APOL3: variants seen among roughly 807,000 people sequenced by gnomAD.
APOL3 encodes the protein apolipoprotein L3, also known as TNF-inducible protein CG12-1.
In APOL3, 14 loss-of-function variants were observed where a neutral mutation model predicts 11.6. The ratio of observed to expected loss-of-function variants is 1.21; its 90% CI spans 0.80 to 1.89. The LOEUF (loss-of-function observed/expected upper bound fraction) is 1.89. APOL3 is among the 40% of genes most tolerant of loss of function. The pLI is 0.00. For missense variants in APOL3, 483 were observed against 492.1 expected (o/e 0.98, Z 0.17); for synonymous variants, 192 against 190.6 (o/e 1.01, Z -0.06).
intron 1 of APOL3, chr22:36,156,699 C>T: frequency 3.5e-6 from 1 of 283,776 alleles, no homozygotes; most frequent in South Asian, 3.3e-5. Context: ...CAGCGTCCCC[C>T]AGCCCTCCCC....
In APOL3 at chr22:36,149,462, G is replaced by A. The variant is rs1299674298; in HGVS notation, c.224-3863C>T. The A allele has an allele frequency of 9.5e-6, 11 of 1,157,698 alleles. No homozygotes were observed. In the African/African-American group the frequency reaches 1.6e-4, roughly 17 times the overall value. 71.7% of individuals were successfully genotyped at this position (1,157,698 alleles called of 1,614,324 possible). On this transcript the variant is annotated intron_variant, in intron 1 of 2. Coordinates refer to ENST00000349314, the Ensembl canonical transcript of APOL3. ...AGAGTCTATACACCGAAATAGAGAT[G>A]GGAAGGAACGTTCTGACAATGACCT...
exon 3 of APOL3, chr22:36,141,581 G>A: frequency 6.2e-7 from 1 of 1,614,246 alleles, no homozygotes; most frequent in Non-Finnish European, 8.5e-7. Flanking sequence ...GGGAAAGTAA[G>A]TTGGGTGTGA....
At chr22:36,152,514 T>G (rs2011924725) in intron 1 of APOL3, among the ~76,000 whole-genome samples, 1 of 152,148 alleles carries the variant, frequency 6.6e-6, no homozygotes, top group African/African-American at 2.4e-5. Context: ...GGGGGAGGAT[T>G]AATATGGCCA....
intron 2 of APOL3, among the ~76,000 whole-genome samples, chr22:36,143,584 T>A (rs1603474532): frequency 6.6e-6 from 1 of 152,330 alleles, no homozygotes; most frequent in East Asian, 1.9e-4. Context: ...TCTCTTCCAA[T>A]GCCACATGCC....
At chr22:36,147,561 C>T (rs1006903842) in intron 1 of APOL3, among the ~76,000 whole-genome samples, 6 of 152,176 alleles carry the variant, frequency 3.9e-5, no homozygotes, top group Admixed American at 3.9e-4. Context: ...TCAGCAGAGC[C>T]CAGTTTGCTG....
chr22:36,160,896 G>C, exon 1 of APOL3: 2 of 1,612,546 alleles, frequency 1.2e-6, no homozygotes, highest in Non-Finnish European at 1.7e-6. Context: ...TCCCATCCTT[G>C]GTCCAGCAGC....
intron 1 of APOL3, among the ~76,000 whole-genome samples, chr22:36,158,352 G>C (rs1232772133): frequency 2.6e-5 from 4 of 152,160 alleles, no homozygotes; most frequent in Admixed American, 2.6e-4. Context: ...GTGCCCCCAC[G>C]TCATGGCACA....
chr22:36,141,368 G>A, exon 3 of APOL3: 1 of 1,614,212 alleles, frequency 6.2e-7, no homozygotes, highest in Non-Finnish European at 8.5e-7. Context: ...GTGCAAGGAA[G>A]ATGCCTGAAG....
At chr22:36,149,189 T>C (rs1159031215) in intron 1 of APOL3, 47 bp from the exon 2 acceptor site, 1 of 1,333,006 alleles carries the variant, frequency 7.5e-7, no homozygotes, top group African/African-American at 1.5e-5. Context: ...GAGCCACCTG[T>C]GGACAGAGGG....
chr22:36,146,784 C>T (rs1473989719), intron 1 of APOL3, among the ~76,000 whole-genome samples: 2 of 152,032 alleles, frequency 1.3e-5, no homozygotes, highest in Non-Finnish European at 1.5e-5. Flanking sequence ...AAATGGGATA[C>T]ATAATATTAT....
intron 1 of APOL3, among the ~76,000 whole-genome samples, chr22:36,147,605 T>A (rs1011690202): frequency 4.6e-5 from 7 of 152,196 alleles, no homozygotes; most frequent in Non-Finnish European, 1.0e-4. Flanking sequence ...GTGACTTGGT[T>A]GCCAAGGCAA....
rs1173792838 is a variant in APOL3, at chr22:36,148,286, G to A, written c.224-2687C>T. On this transcript the variant is annotated intron_variant, in intron 1 of 2. Transcript: ENST00000349314. ...GGTAAGCAGGTGCTTGTGATGGGCC[G>A]TGCAGGGCAGGCGCCCTGGGGGACA... Among the ~76,000 whole-genome samples, 8 of 152,376 alleles carry A rather than the reference G, an allele frequency of 5.3e-5. No homozygotes were observed. In the East Asian group the frequency reaches 9.6e-4, roughly 18 times the overall value.
At chr22:36,164,185 G>T (rs942425886), upstream of APOL3, among the ~76,000 whole-genome samples, 3 of 152,018 alleles carry the variant, frequency 2.0e-5, no homozygotes, top group African/African-American at 7.3e-5. Context: ...AACATCAACG[G>T]ACTGCACAAC....
At chr22:36,156,934 A>T in intron 1 of APOL3, 4 of 456,250 alleles carry the variant, frequency 8.8e-6, no homozygotes, top group South Asian at 6.2e-5. Context: ...GCCTCTGGAC[A>T]ACATGGCCCA....
chr22:36,152,378 C>A (rs867739175), intron 1 of APOL3, among the ~76,000 whole-genome samples: 37 of 152,270 alleles, frequency 2.4e-4, no homozygotes, highest in African/African-American at 8.7e-4. Flanking sequence ...AATGTAAACA[C>A]TTGGTTAACT....
At chr22:36,160,102 C>T (rs1344640660) in intron 1 of APOL3, among the ~76,000 whole-genome samples, 1 of 152,064 alleles carries the variant, frequency 6.6e-6, no homozygotes, top group Non-Finnish European at 1.5e-5. Flanking sequence ...AGGCAGGTCT[C>T]GAACTCCTAA....
At chr22:36,141,624 C>T (rs778515104) in exon 3 of APOL3, 7 of 1,614,164 alleles carry the variant, frequency 4.3e-6, no homozygotes, top group South Asian at 2.2e-5. Flanking sequence ...TACCTTCAAT[C>T]GGTCAATGCT....
rs1235003772 is a variant in APOL3, at chr22:36,151,174, C to T, written c.224-5575G>A. 2.6e-5 allele frequency among the ~76,000 whole-genome samples: 4 copies of T among 152,314 alleles called. No individual in the cohort carries two copies. In the East Asian group the frequency reaches 5.8e-4, roughly 22 times the overall value. ...ACTTCATAACTGCATCTAAAGGCCCCAGAAATAATATCTTTGTATCCTGAT... is the reference window on the plus strand; with the variant it reads ...ACTTCATAACTGCATCTAAAGGCCCTAGAAATAATATCTTTGTATCCTGAT... On this transcript the variant is annotated intron_variant, in intron 1 of 2. Coordinates refer to ENST00000349314, the Ensembl canonical transcript of APOL3.
At chr22:36,159,710 C>G (rs920325751) in intron 1 of APOL3, 3 of 152,214 alleles carry the variant, frequency 2.0e-5, no homozygotes, top group African/African-American at 7.2e-5. Context: ...GTGTCAGGGA[C>G]ATGGAGTCCT....
Sources: allele counts gnomAD v4.1 joint callset (sites outside exome capture counted in the v4.1 genomes callset), GRCh38; gene constraint gnomAD v4.1.1; transcripts MANE v1.5; gene names NCBI Gene and HGNC (gene_info 2026-07-23, HGNC 2026-07-21).